Variants in C4orf50 observed in about 807,000 individuals in gnomAD.
The protein encoded by C4orf50 is chromosome 4 open reading frame 50.
In C4orf50, 80 loss-of-function variants were observed where a neutral mutation model predicts 77.2. That is an observed-to-expected ratio of 1.04 (90% CI 0.87 to 1.25). C4orf50 has a LOEUF of 1.25. Ranked by LOEUF, C4orf50 falls within the 50% of genes most tolerant of loss-of-function variation. C4orf50 has a pLI of 0.00. For synonymous variants in C4orf50, 532 were observed against 465.3 expected, an observed-to-expected ratio of 1.14 and a Z score of -1.84; for missense variants, 1,257 against 1,152.9, an observed-to-expected ratio of 1.09 and a Z score of -1.31.
At chr4:5,913,001 C>T (rs945961067) in intron 7 of C4orf50, among the ~76,000 whole-genome samples, 2 of 152,324 alleles carry the variant, frequency 1.3e-5, no homozygotes, top group South Asian at 4.1e-4. Context: ...GAGTCATTTC[C>T]ATCTCTAGAA....
At chr4:5,980,840 T>C (rs1720546686) in intron 28 of C4orf50, among the ~76,000 whole-genome samples, 1 of 152,208 alleles carries the variant, frequency 6.6e-6, no homozygotes, top group Admixed American at 6.5e-5. Context: ...AAACAGAAGA[T>C]ACTGTGTCTC....
Position 5,959,363 on chromosome 4 carries a change from T to C in C4orf50, c.*12A>G. 1 of 1,608,288 alleles carries C rather than the reference T, an allele frequency of 6.2e-7. No individual in the cohort carries two copies. Among genetic ancestry groups the C allele is most frequent in the African/African-American group, 1.3e-5 (1 of 74,930 alleles). On this transcript the variant is annotated 3_prime_UTR_variant, in exon 34 of 34. Coordinates refer to ENST00000531445, the Ensembl canonical transcript of C4orf50. ...GAGTCTATGAAATGGCTCCGGAGAATGAGTGGCCCTATTACATTTCTAACT... is the reference window on the plus strand; with the variant it reads ...GAGTCTATGAAATGGCTCCGGAGAACGAGTGGCCCTATTACATTTCTAACT...
chr4:5,968,910 A>T (rs980287135), intron 31 of C4orf50, among the ~76,000 whole-genome samples: 5 of 151,956 alleles, frequency 3.3e-5, no homozygotes, highest in African/African-American at 1.2e-4. Context: ...GGGTGCAAGG[A>T]CCCTTGTCTG....
intron 23 of C4orf50, among the ~76,000 whole-genome samples, chr4:6,014,820 A>C (rs1299633802): frequency 6.6e-6 from 1 of 151,800 alleles, no homozygotes; most frequent in East Asian, 1.9e-4. Context: ...TCCTCCCCTG[A>C]CCCCTCTTCT....
At chr4:5,977,606 T>C (rs910522414) in intron 29 of C4orf50, among the ~76,000 whole-genome samples, 4 of 152,206 alleles carry the variant, frequency 2.6e-5, no homozygotes, top group African/African-American at 4.8e-5. Flanking sequence ...TCCTTGTTTA[T>C]GGAAATTTAT....
intron 7 of C4orf50, chr4:5,899,724 T>C (rs931629654): frequency 6.6e-6 from 1 of 152,256 alleles, no homozygotes; most frequent in Non-Finnish European, 1.5e-5. Context: ...TGTATTCCCA[T>C]GGTTCTCCCC....
rs536539459 is a variant in C4orf50 at position 5,948,672 on chromosome 4, G to A, written c.*2474+8229C>T. Among the ~76,000 whole-genome samples, 6 of 152,108 alleles carry A rather than the reference G, an allele frequency of 3.9e-5. No homozygotes were observed. The East Asian group carries it at 9.6e-4, about 24-fold the overall frequency. On this transcript the variant is annotated intron_variant, in intron 7 of 7. Transcript: ENST00000324058. ...TAGCCGGGTGTGGTGCCATGCACCTGTAGTCCCAGCTACTCAGGAGGCTGA... is the reference window on the plus strand; with the variant it reads ...TAGCCGGGTGTGGTGCCATGCACCTATAGTCCCAGCTACTCAGGAGGCTGA...
At chr4:6,003,704 GTGA>G (rs1410048808) in intron 25 of C4orf50, among the ~76,000 whole-genome samples, 2 of 131,488 alleles carry the variant, frequency 1.5e-5, no homozygotes, top group African/African-American at 2.9e-5. Context: ...GATAGTGATG[GTGA>G]TGATGTGATG....
intron 29 of C4orf50, 27 bp from the exon 8 acceptor site, chr4:5,975,982 A>G (rs201505992): frequency 3.7e-4 from 593 of 1,597,226 alleles, no homozygotes; most frequent in Non-Finnish European, 4.8e-4. Flanking sequence ...ATTTTTGACA[A>G]CACTGCACTG....
chr4:5,939,245 AAAAAAAAG>A (rs1407821946), intron 7 of C4orf50, among the ~76,000 whole-genome samples: 2 of 151,920 alleles, frequency 1.3e-5, no homozygotes, highest in Non-Finnish European at 2.9e-5. Flanking sequence ...CTCTGTCTCA[AAAAAAAAG>A]AAAGAAAGAA....
intron 33 of C4orf50, among the ~76,000 whole-genome samples, chr4:5,963,773 A>T (rs1719398185): frequency 6.6e-6 from 1 of 152,146 alleles, no homozygotes; most frequent in African/African-American, 2.4e-5. Flanking sequence ...TGCCTGCCTG[A>T]TTTCTCCTCC....
intron 33 of C4orf50, among the ~76,000 whole-genome samples, chr4:5,964,762 T>A (rs1447835152): frequency 1.8e-5 from 1 of 54,716 alleles, no homozygotes; most frequent in Non-Finnish European, 3.2e-5. Flanking sequence ...AGCAAGACTC[T>A]GTCTCAAAAA....
At chr4:6,003,825 ATGG>A (rs1721983999) in intron 25 of C4orf50, among the ~76,000 whole-genome samples, 1 of 78,264 alleles carries the variant, frequency 1.3e-5, no homozygotes, top group Non-Finnish European at 2.3e-5. Flanking sequence ...GATGATGGTG[ATGG>A]TGATGATGTG....
chr4:5,984,041 G>A (rs1479878621), intron 28 of C4orf50, among the ~76,000 whole-genome samples: 7 of 152,246 alleles, frequency 4.6e-5, no homozygotes, highest in South Asian at 2.1e-4. Flanking sequence ...AGAGCACTTG[G>A]TGAATGCTGT....
intron 7 of C4orf50, among the ~76,000 whole-genome samples, chr4:5,930,031 C>T (rs6810686): frequency 0.047 from 7,211 of 152,172 alleles, 194 homozygotes; most frequent in African/African-American, 0.055. Flanking sequence ...TCTAACAGGA[C>T]GCAGGTGATA....
intron 33 of C4orf50, 122 bp from the exon 12 acceptor site, chr4:5,959,748 G>A: frequency 8.3e-7 from 1 of 1,210,666 alleles, no homozygotes; most frequent in Non-Finnish European, 1.1e-6. Flanking sequence ...GGCACTTTCT[G>A]TGCCTGGCAC....
intron 28 of C4orf50, among the ~76,000 whole-genome samples, chr4:5,983,547 C>T (rs1720712035): frequency 6.6e-6 from 1 of 152,196 alleles, no homozygotes; most frequent in Non-Finnish European, 1.5e-5. Flanking sequence ...TTCCACACTC[C>T]TACTCACTGG....
At chr4:5,930,696 G>A (rs1042808534) in intron 7 of C4orf50, among the ~76,000 whole-genome samples, 1 of 152,186 alleles carries the variant, frequency 6.6e-6, no homozygotes, top group Non-Finnish European at 1.5e-5. Flanking sequence ...GCTCTCTCCA[G>A]AGCCGGATCC....
At chr4:5,986,911 C>T (rs761230048) in intron 28 of C4orf50, among the ~76,000 whole-genome samples, 2 of 152,108 alleles carry the variant, frequency 1.3e-5, no homozygotes, top group Non-Finnish European at 2.9e-5. Context: ...AGTAGATAGG[C>T]AGTACATATT....
Sources: allele counts gnomAD v4.1 joint callset (sites outside exome capture counted in the v4.1 genomes callset), GRCh38; gene constraint gnomAD v4.1.1; transcripts MANE v1.5; gene names NCBI Gene and HGNC (gene_info 2026-07-23, HGNC 2026-07-21).